Variants in UBE2G1 observed in about 807,000 individuals in gnomAD.
The protein encoded by UBE2G1 is ubiquitin conjugating enzyme E2 G1, also known as ubiquitin-conjugating enzyme E2 G1.
In UBE2G1, 5 loss-of-function variants were observed where a neutral mutation model predicts 22.7. The ratio of observed to expected loss-of-function variants is 0.22; its 90% CI spans 0.12 to 0.46. UBE2G1 has a LOEUF of 0.46. Among genes scored for constraint, UBE2G1 ranks in the 20% least tolerant of loss-of-function variants. The pLI is 0.99. For missense variants in UBE2G1, 88 were observed against 203.9 expected, an observed-to-expected ratio of 0.43 and a Z score of 3.46; for synonymous variants, 74 against 67.5, an observed-to-expected ratio of 1.10 and a Z score of -0.47.
intron 1 of UBE2G1, among the ~76,000 whole-genome samples, chr17:4,338,747 G>C (rs1430595759): frequency 6.6e-6 from 1 of 152,206 alleles, no homozygotes; most frequent in Non-Finnish European, 1.5e-5. Context: ...TCTGGAGTGA[G>C]AGTCAAAATA....
At chr17:4,287,606 T>A (rs1395181447) in intron 4 of UBE2G1, among the ~76,000 whole-genome samples, 1 of 152,216 alleles carries the variant, frequency 6.6e-6, no homozygotes, top group Non-Finnish European at 1.5e-5. Flanking sequence ...ATTATTAATT[T>A]CAGTCATAGC....
At chr17:4,352,147 C>A (rs374672658) in intron 1 of UBE2G1, among the ~76,000 whole-genome samples, 2 of 152,158 alleles carry the variant, frequency 1.3e-5, no homozygotes, top group African/African-American at 4.8e-5. Context: ...GATCATATGA[C>A]CCCACAGGCT....
chr17:4,351,705 T>C (rs1969846367), intron 1 of UBE2G1, among the ~76,000 whole-genome samples: 1 of 152,042 alleles, frequency 6.6e-6, no homozygotes, highest in African/African-American at 2.4e-5. Context: ...GAGGATAATA[T>C]AAACCTTACG....
chr17:4,344,502 T>A (rs1398410153), intron 1 of UBE2G1, among the ~76,000 whole-genome samples: 1 of 150,432 alleles, frequency 6.6e-6, no homozygotes, highest in Non-Finnish European at 1.5e-5. Flanking sequence ...ATTGCGCCAC[T>A]GCACTCCAGC....
At chr17:4,339,471 A>G (rs923807759) in intron 1 of UBE2G1, among the ~76,000 whole-genome samples, 1 of 152,074 alleles carries the variant, frequency 6.6e-6, no homozygotes, top group Non-Finnish European at 1.5e-5. Flanking sequence ...CGATCGGCTA[A>G]TTTTTTGTAT....
intron 2 of UBE2G1, among the ~76,000 whole-genome samples, chr17:4,302,865 TTAG>T (rs976990715): frequency 2.6e-5 from 4 of 152,204 alleles, no homozygotes; most frequent in African/African-American, 9.6e-5. Flanking sequence ...GAGAACTATT[TTAG>T]CCTGTGTCTT....
chr17:4,313,170 CATAGA>C (rs1567521251), intron 1 of UBE2G1, among the ~76,000 whole-genome samples: 1 of 152,114 alleles, frequency 6.6e-6, no homozygotes, highest in Non-Finnish European at 1.5e-5. Context: ...TAAAAGAAAA[CATAGA>C]ATAGTGTTTT....
At chr17:4,286,207 C>A (rs1049289938) in intron 4 of UBE2G1, among the ~76,000 whole-genome samples, 4 of 152,078 alleles carry the variant, frequency 2.6e-5, no homozygotes, top group African/African-American at 4.8e-5. Flanking sequence ...GAGTTTGAGA[C>A]CAGCCTGGCC....
intron 1 of UBE2G1, among the ~76,000 whole-genome samples, chr17:4,325,609 C>G (rs548178879): frequency 6.7e-4 from 102 of 152,190 alleles, no homozygotes; most frequent in African/African-American, 1.7e-3. Context: ...TATCAAAATC[C>G]CAACAACTTT....
At position 4,336,240 on chromosome 17, in the gene UBE2G1, A is replaced by G. The variant is rs371827345; in HGVS notation, c.47-29117T>C. Among the ~76,000 whole-genome samples the G allele has an allele frequency of 1.2e-4, 19 of 152,342 alleles. No homozygotes were observed. The East Asian group carries it at 1.7e-3, about 14-fold the overall frequency. The stretch of plus-strand genomic sequence containing the variant: ...ATATAAGCAAAGCAAAATATATAAC[A>G]TTAATGTAAATGATTAAAAGCATCT... On this transcript the variant is annotated intron_variant, in intron 1 of 5. Transcript: ENST00000396981.
intron 1 of UBE2G1, among the ~76,000 whole-genome samples, chr17:4,307,837 C>G (rs999757592): frequency 7.2e-5 from 11 of 152,214 alleles, no homozygotes; most frequent in African/African-American, 2.6e-4. Flanking sequence ...GAAAGGATGA[C>G]AGGGTGGGAA....
At chr17:4,286,832 A>G (rs1968969509) in intron 4 of UBE2G1, among the ~76,000 whole-genome samples, 1 of 152,180 alleles carries the variant, frequency 6.6e-6, no homozygotes, top group Admixed American at 6.5e-5. Context: ...ATTTGAGGTC[A>G]GGAGTTTGAG....
chr17:4,295,541 T>C (rs149542126), intron 3 of UBE2G1, among the ~76,000 whole-genome samples: 2 of 152,354 alleles, frequency 1.3e-5, no homozygotes, highest in East Asian at 3.9e-4. Flanking sequence ...CTTAAACTAA[T>C]CTATATGTTT....
At chr17:4,365,765 C>G (rs947811956) in intron 1 of UBE2G1, among the ~76,000 whole-genome samples, 2 of 152,182 alleles carry the variant, frequency 1.3e-5, no homozygotes, top group Non-Finnish European at 2.9e-5. Flanking sequence ...TCCGCGGACC[C>G]AGCGCCGCCC....
chr17:4,335,458 CA>C lies in UBE2G1; in HGVS notation c.47-28336del, dbSNP rs146841677. 3.1e-3 allele frequency: 474 copies of C among 152,176 alleles called. 3 individuals are homozygous for C. The highest frequency in any genetic ancestry group is 0.011 in the African/African-American group (440 of 41,532). The allele number at this position is 152,176 out of a possible 1,614,324, so 9.4% of individuals were successfully genotyped here. ...GTAACCCAAAAATTCTGTAACCAGC[CA>C]AAACATCACGTTGCTTGTGAAAGCC... On this transcript the variant is annotated intron_variant, in intron 1 of 5. Coordinates refer to ENST00000396981, the MANE Select transcript of UBE2G1 (RefSeq NM_003342.5).
intron 1 of UBE2G1, among the ~76,000 whole-genome samples, chr17:4,354,768 C>CA (rs967250264): frequency 3.3e-5 from 5 of 151,426 alleles, no homozygotes; most frequent in African/African-American, 7.3e-5. Context: ...CTGTCTCTAC[C>CA]AAAAAAAAAT....
chr17:4,293,920 ATC>A (rs1370703165), intron 3 of UBE2G1, among the ~76,000 whole-genome samples: 2 of 152,220 alleles, frequency 1.3e-5, no homozygotes, highest in Admixed American at 1.3e-4. Context: ...CCTCCCTGCT[ATC>A]TCTCTGACTT....
At chr17:4,321,426 C>A (rs550375930) in intron 1 of UBE2G1, among the ~76,000 whole-genome samples, 4 of 152,028 alleles carry the variant, frequency 2.6e-5, no homozygotes, top group Admixed American at 1.3e-4. Flanking sequence ...ATTCCCCCAC[C>A]CCGTTTTTTT....
intron 4 of UBE2G1, among the ~76,000 whole-genome samples, chr17:4,285,681 G>A (rs965728940): frequency 6.6e-6 from 1 of 152,206 alleles, no homozygotes; most frequent in Non-Finnish European, 1.5e-5. Flanking sequence ...GCCGGGCGAG[G>A]TGGCTCATGC....
Sources: gnomAD v4.1 joint callset for allele counts (sites outside exome capture counted in the v4.1 genomes callset) on GRCh38, gnomAD v4.1.1 for gene constraint, MANE v1.5 for transcripts, NCBI Gene and HGNC (gene_info 2026-07-23, HGNC 2026-07-21) for gene names.